The following PPP1R2 variants were observed in gnomAD, a reference collection of about 807,000 sequenced individuals.
PPP1R2 encodes protein phosphatase 1 regulatory inhibitor subunit 2, also known as protein phosphatase inhibitor 2.
PPP1R2 carries 16 observed loss-of-function variants against 29.9 expected under a neutral mutation model. The observed-to-expected ratio is 0.53, with a 90% CI of 0.36 to 0.81. PPP1R2 has a LOEUF of 0.81. Ranked by LOEUF, PPP1R2 falls within the 30% of genes least tolerant of loss-of-function variation. PPP1R2 has a pLI of 0.00. For synonymous variants in PPP1R2, 76 were observed against 91.5 expected, an observed-to-expected ratio of 0.83 and a Z score of 0.96; for missense variants, 197 against 252.7, an observed-to-expected ratio of 0.78 and a Z score of 1.49.
chr3:195,542,587 A>C (rs888469752), intron 1 of PPP1R2, among the ~76,000 whole-genome samples: 2 of 152,236 alleles, frequency 1.3e-5, no homozygotes, highest in Admixed American at 6.5e-5. Flanking sequence ...AGATGAGGTT[A>C]AGAAATAGTA....
In PPP1R2 at chr3:195,536,293, TAAAAAAAAA is replaced by T. The variant is rs10645669; in HGVS notation, c.123-6401_123-6393del. 5.3e-3 allele frequency among the ~76,000 whole-genome samples: 607 copies of T among 115,506 alleles called. 7 individuals are homozygous for T. The highest frequency in any genetic ancestry group is 0.018 in the African/African-American group (542 of 29,588). The allele number at this position is 115,506 out of a possible 152,430, so 75.8% of individuals were successfully genotyped here. A position where few individuals can be genotyped will look rare whatever the true frequency, so the allele number is the denominator to read the frequency against. Reference sequence around the variant, plus strand: ...GGGCAACATAGCGAGACCCTGTCTTTAAAAAAAAAAAAAAAAAAAAAAAAGTGCTGGGAT... The same window carrying T: ...GGGCAACATAGCGAGACCCTGTCTTTAAAAAAAAAAAAAAAGTGCTGGGAT... On this transcript the variant is annotated intron_variant, in intron 1 of 5. Transcript: ENST00000618156.
chr3:195,528,722 T>TTTTA, intron 2 of PPP1R2: 1 of 143,936 alleles, frequency 6.9e-6, no homozygotes, highest in Admixed American at 7.0e-5. Flanking sequence ...TTTTTTTTTT[T>TTTTA]TTTTTTTTTT....
chr3:195,542,782 A>C, intron 1 of PPP1R2, 122 bp downstream of exon 1: 1 of 1,187,036 alleles, frequency 8.4e-7, no homozygotes, highest in Non-Finnish European at 1.1e-6. Flanking sequence ...CTAGCCGGGC[A>C]GGAGAAGAGA....
At position 195,519,024 on chromosome 3, in the gene PPP1R2, T is replaced by A. The variant is rs762988784; in HGVS notation, c.565A>T (p.Asn189Tyr). 8.1e-6 allele frequency: 13 copies of A among 1,607,826 alleles called. No homozygotes were observed. The highest frequency in any genetic ancestry group is 1.1e-5 in the Non-Finnish European group (13 of 1,174,662). ...DGESMNTEES[N>Y]QGSTPSDQQQ... ...CATTTTCCAAACATCTAACCTTGATTTGATTCTTCCGTATTCATGCTTTCT... is the reference window on the plus strand; with the variant it reads ...CATTTTCCAAACATCTAACCTTGATATGATTCTTCCGTATTCATGCTTTCT... Residue 189 changes from asparagine to tyrosine, a missense_variant, in exon 5 of 6, where the codon AAT becomes TAT. By Grantham distance (143) the Asn-to-Tyr change is moderately radical. This residue lies in a region of PPP1R2 where 135 missense variants were observed against 163.0 expected (regional missense o/e 0.83). Transcript: ENST00000618156.
At chr3:195,533,524 C>G (rs1187204628) in intron 1 of PPP1R2, among the ~76,000 whole-genome samples, 1 of 152,262 alleles carries the variant, frequency 6.6e-6, no homozygotes, top group South Asian at 2.1e-4. Context: ...CAAAATGCCA[C>G]TAGAGATGCT....
chr3:195,529,188 A>G (rs1031975540), intron 2 of PPP1R2: 1 of 152,208 alleles, frequency 6.6e-6, no homozygotes, highest in African/African-American at 2.4e-5. Flanking sequence ...TATCTTAATT[A>G]GGTATCTATA....
intron 1 of PPP1R2, among the ~76,000 whole-genome samples, chr3:195,533,740 T>G (rs1368836689): frequency 6.6e-6 from 1 of 152,188 alleles, no homozygotes; most frequent in Non-Finnish European, 1.5e-5. Flanking sequence ...ACCTTGCATA[T>G]TTTGTGAAGT....
intron 1 of PPP1R2, among the ~76,000 whole-genome samples, chr3:195,537,709 T>A (rs962517933): frequency 9.2e-5 from 14 of 152,172 alleles, no homozygotes; most frequent in African/African-American, 3.1e-4. Context: ...TAGTTTACTT[T>A]CTTCTGTAAA....
At chr3:195,535,201 G>A (rs936681257) in intron 1 of PPP1R2, among the ~76,000 whole-genome samples, 14 of 152,246 alleles carry the variant, frequency 9.2e-5, no homozygotes, top group African/African-American at 2.4e-4. Flanking sequence ...CCTAGAGCCC[G>A]CGCATGCACA....
intron 2 of PPP1R2, among the ~76,000 whole-genome samples, chr3:195,527,539 A>G (rs572137327): frequency 7.2e-5 from 11 of 152,328 alleles, no homozygotes; most frequent in Admixed American, 2.6e-4. Flanking sequence ...CTGAGATTAC[A>G]GGCGTTGAGC....
chr3:195,527,980 T>G (rs1034354414), intron 2 of PPP1R2: 11 of 319,196 alleles, frequency 3.4e-5, no homozygotes, highest in Admixed American at 4.6e-5. Flanking sequence ...GTAATTTTAT[T>G]GTTTTTCTTC....
intron 1 of PPP1R2, among the ~76,000 whole-genome samples, chr3:195,537,755 C>T (rs1366158405): frequency 6.6e-6 from 1 of 151,936 alleles, no homozygotes; most frequent in African/African-American, 2.4e-5. Context: ...AAGTCTCACT[C>T]AACTTGTTTT....
Position 195,543,157 on chromosome 3 carries a change from T to C in PPP1R2, c.-132A>G. On this transcript the variant is annotated 5_prime_UTR_variant, in exon 1 of 6. Transcript: ENST00000618156. ...GGCTAAAGCGGCCGCAACTGCTGCCTCGGAAACGGCTACCGCAGCGGTTGT... is the reference window on the plus strand; with the variant it reads ...GGCTAAAGCGGCCGCAACTGCTGCCCCGGAAACGGCTACCGCAGCGGTTGT... 8.2e-7 allele frequency: 1 copy of C among 1,222,020 alleles called. No individual in the cohort carries two copies. Among genetic ancestry groups the C allele is most frequent in the Non-Finnish European group, 1.1e-6 (1 of 913,118 alleles). 75.7% of individuals were successfully genotyped at this position (1,222,020 alleles called of 1,614,324 possible). A position where few individuals can be genotyped will look rare whatever the true frequency, so the allele number is the denominator to read the frequency against.
chr3:195,528,918 G>GT (rs1468132943), intron 2 of PPP1R2: 1 of 151,488 alleles, frequency 6.6e-6, no homozygotes, highest in Non-Finnish European at 1.4e-5. Context: ...CCAGGCTGGA[G>GT]TGCAATGGTG....
At chr3:195,537,220 CCTT>C (rs542374143) in intron 1 of PPP1R2, among the ~76,000 whole-genome samples, 7 of 142,802 alleles carry the variant, frequency 4.9e-5, no homozygotes, top group Non-Finnish European at 7.7e-5. Context: ...TGTTTTTTTA[CCTT>C]CTTAATGACT....
chr3:195,529,736 C>T (rs1719110759), intron 2 of PPP1R2, 58 bp downstream of exon 2: 1 of 1,238,374 alleles, frequency 8.1e-7, no homozygotes, highest in Middle Eastern at 2.8e-4. Flanking sequence ...TCCAGACGTT[C>T]ATATGAAATG....
intron 4 of PPP1R2, among the ~76,000 whole-genome samples, chr3:195,521,454 T>C (rs1577565540): frequency 6.6e-6 from 1 of 152,208 alleles, no homozygotes; most frequent in East Asian, 1.9e-4. Context: ...CATAATTTAA[T>C]TCCCTATTTT....
At chr3:195,530,972 G>T (rs1375264189) in intron 1 of PPP1R2, among the ~76,000 whole-genome samples, 1 of 151,250 alleles carries the variant, frequency 6.6e-6, no homozygotes. Context: ...AAAGGTGTCT[G>T]CCACCACACC....
intron 4 of PPP1R2, among the ~76,000 whole-genome samples, chr3:195,520,026 T>C (rs367814519): frequency 6.6e-6 from 1 of 152,208 alleles, no homozygotes; most frequent in Non-Finnish European, 1.5e-5. Context: ...TTTCTTTTTT[T>C]CAAGATGGAG....
Sources: gnomAD v4.1 joint callset for allele counts (sites outside exome capture counted in the v4.1 genomes callset) on GRCh38, gnomAD v4.1.1 for gene constraint, gnomAD v4.1.1 regional missense constraint, MANE v1.5 for transcripts, NCBI Gene and HGNC (gene_info 2026-07-23, HGNC 2026-07-21) for gene names.